The following NF2 variants were observed in gnomAD, a reference collection of about 807,000 sequenced individuals.
The protein encoded by NF2 is NF2, moesin-ezrin-radixin like (MERLIN) tumor suppressor.
In NF2, 8 loss-of-function variants were observed where a neutral mutation model predicts 83.7. That is an observed-to-expected ratio of 0.10 (90% confidence interval 0.06 to 0.17). The LOEUF is 0.17. Among genes scored for constraint, NF2 ranks in the 10% least tolerant of loss-of-function variants. The pLI, the probability that NF2 is intolerant of heterozygous loss-of-function variation, is 1.00. For missense variants in NF2, 533 were observed against 744.4 expected, an observed-to-expected ratio of 0.72 and a Z score of 3.31; for synonymous variants, 266 against 269.6, an observed-to-expected ratio of 0.99 and a Z score of 0.13.
chr22:29,608,842 A>T lies in NF2; in HGVS notation c.114+4730A>T, dbSNP rs2054408759. The T allele has an allele frequency of 1.5e-5, 6 of 398,518 alleles. No homozygotes were observed. In the South Asian group the frequency reaches 2.1e-4, roughly 14 times the overall value. 24.7% of individuals were successfully genotyped at this position (398,518 alleles called of 1,614,324 possible). A position where few individuals can be genotyped will look rare whatever the true frequency, so the allele number is the denominator to read the frequency against. On this transcript the variant is annotated intron_variant, in intron 1 of 15. Coordinates refer to ENST00000338641, the MANE Select transcript of NF2 (RefSeq NM_000268.4). ...CTGAATAGACCTATAACAAGTAAAGATATTAAATTAGTAATTGAGGGGACT... is the reference window on the plus strand; with the variant it reads ...CTGAATAGACCTATAACAAGTAAAGTTATTAAATTAGTAATTGAGGGGACT...
chr22:29,695,081 C>T lies in NF2; in HGVS notation c.*279C>T. The T allele has an allele frequency of 1.8e-6, 1 of 552,486 alleles. No individual in the cohort carries two copies. Among genetic ancestry groups the T allele is most frequent in the Non-Finnish European group, 3.3e-6 (1 of 306,730 alleles). 34.2% of individuals were successfully genotyped at this position (552,486 alleles called of 1,614,324 possible). On this transcript the variant is annotated 3_prime_UTR_variant, in exon 16 of 16. Transcript: ENST00000338641. This position sits in a 1 kb window ranked among gnomAD's most constrained non-coding sequence, Gnocchi z 5.4. ...TTTGTCTAATGTGGGATTCCTGACTCCCTTCGTCCAAGGCACCGGTGTGTG... is the reference window on the plus strand; with the variant it reads ...TTTGTCTAATGTGGGATTCCTGACTTCCTTCGTCCAAGGCACCGGTGTGTG...
intron 13 of NF2, among the ~76,000 whole-genome samples, chr22:29,677,095 A>G (rs1023297672): frequency 1.9e-4 from 27 of 138,498 alleles, no homozygotes; most frequent in African/African-American, 6.5e-4. Flanking sequence ...CCTAGACTCA[A>G]TACGGGATCC....
chr22:29,644,402 T>C (rs2065918327), intron 4 of NF2, among the ~76,000 whole-genome samples: 1 of 143,570 alleles, frequency 7.0e-6, no homozygotes, highest in African/African-American at 2.7e-5. Context: ...CCAGATGGGA[T>C]GGCGGCTGGG....
intron 9 of NF2, 104 bp downstream of exon 9, chr22:29,665,168 T>C: frequency 1.1e-6 from 1 of 893,056 alleles, no homozygotes; most frequent in Middle Eastern, 2.8e-4. Context: ...AAGTATAGAA[T>C]GGTATCTCAC....
At chr22:29,639,292 C>T (rs1218154144) in intron 3 of NF2, 80 bp downstream of exon 3, 8 of 1,564,796 alleles carry the variant, frequency 5.1e-6, no homozygotes, top group Non-Finnish European at 7.0e-6. Context: ...GAGTTGACCA[C>T]AAACACCTTT....
rs1201647322 is a variant in NF2, at chr22:29,655,498, A to G, written c.517-96A>G. The stretch of plus-strand genomic sequence containing the variant: ...GGTGTAGCTTTTTAAAAATAGCTTT[A>G]CTGTTTTGTAAAAATGATGCATAAT... On this transcript the variant is annotated intron_variant, in intron 5 of 15. Coordinates refer to ENST00000338641, the MANE Select transcript of NF2 (RefSeq NM_000268.4). 4.4e-6 allele frequency: 4 copies of G among 903,392 alleles called. No homozygotes were observed. In the African/African-American group the frequency reaches 4.9e-5, roughly 11 times the overall value. 56.0% of individuals were successfully genotyped at this position (903,392 alleles called of 1,614,324 possible).
intron 14 of NF2, among the ~76,000 whole-genome samples, chr22:29,680,334 A>G (rs1490820619): frequency 6.6e-6 from 1 of 151,958 alleles, no homozygotes; most frequent in African/African-American, 2.4e-5. Flanking sequence ...CTGGTCTCGA[A>G]CTCCTGACCT....
At chr22:29,685,786 TA>T (rs2067255208) in intron 15 of NF2, among the ~76,000 whole-genome samples, 1 of 152,128 alleles carries the variant, frequency 6.6e-6, no homozygotes. Flanking sequence ...GTTTCAGCAG[TA>T]CCCATGGGGG....
At chr22:29,640,705 C>A (rs1282744988) in intron 3 of NF2, among the ~76,000 whole-genome samples, 1 of 151,988 alleles carries the variant, frequency 6.6e-6, no homozygotes, top group African/African-American at 2.4e-5. Flanking sequence ...ATATTGTGGT[C>A]AGCAAATATT....
chr22:29,677,852 G>C (rs544291640), intron 13 of NF2, among the ~76,000 whole-genome samples: 1 of 152,218 alleles, frequency 6.6e-6, no homozygotes, highest in South Asian at 2.1e-4. Context: ...CAAAGCCAAG[G>C]ATGCTGTCTT....
chr22:29,683,450 CTGG>C, intron 15 of NF2: 13 of 1,240,442 alleles, frequency 1.0e-5, no homozygotes, highest in Non-Finnish European at 1.2e-5. Flanking sequence ...ACTTTGGAGA[CTGG>C]TGTGTTTAAC....
rs1488114282 is a variant in NF2 at position 29,636,450 on chromosome 22, T to A, written c.115-301T>A. 6.6e-6 allele frequency among the ~76,000 whole-genome samples: 1 copy of A among 152,176 alleles called. No individual in the cohort carries two copies. The highest frequency in any genetic ancestry group is 1.5e-5 in the Non-Finnish European group (1 of 68,018). On this transcript the variant is annotated intron_variant, in intron 1 of 15. Coordinates refer to ENST00000338641, the MANE Select transcript of NF2 (RefSeq NM_000268.4). The surrounding 1 kb of genome is among the most constrained non-coding windows in gnomAD (Gnocchi z 4.4). ...ACTTAAGAGGCTAGACTCTCCTAAA[T>A]GAGGATGCTTATTTACCAGCTTTCC...
At position 29,673,270 on chromosome 22, in the gene NF2, T is replaced by C. The variant is rs1556000763; in HGVS notation, c.1124T>C (p.Met375Thr). The C allele has an allele frequency of 1.3e-6, 2 of 1,567,214 alleles. No homozygotes were observed. Among genetic ancestry groups the C allele is most frequent in the Non-Finnish European group, 1.7e-6 (2 of 1,155,402 alleles). The change falls in exon 12 of 16, where the codon ATG (methionine) becomes ACG (threonine). Residue 375 changes from methionine (M) to threonine (T), a missense_variant and splice_region_variant. This residue lies in a region of NF2 where 326 missense variants were observed against 475.1 expected (regional missense o/e 0.69). Coordinates refer to ENST00000338641, the MANE Select transcript of NF2 (RefSeq NM_000268.4). ...EEATMANEALMRSEETADLLA... is the reference protein window; with the variant it reads ...EEATMANEALTRSEETADLLA... ...AGCTAAGAGCACTGTGCCCTCCAGATGCGGTCTGAGGAGACAGCTGACCTG... is the reference window on the plus strand; with the variant it reads ...AGCTAAGAGCACTGTGCCCTCCAGACGCGGTCTGAGGAGACAGCTGACCTG...
At position 29,646,542 on chromosome 22, in the gene NF2, A is replaced by AT. The variant is rs1050656945; in HGVS notation, c.447+4257_447+4258insT. Among the ~76,000 whole-genome samples the AT allele has an allele frequency of 2.1e-4, 32 of 152,346 alleles. 1 individual carries two copies. The highest frequency in any genetic ancestry group is 7.2e-4 in the African/African-American group (30 of 41,582). ...TTTCTGAAACAGAAAGGAACTTTAG[A>AT]AGTGTGGAAGGGAAAGCGAATTGAG... On this transcript the variant is annotated intron_variant, in intron 4 of 15. Transcript: ENST00000338641.
chr22:29,676,900 C>T (rs956592712), intron 13 of NF2, among the ~76,000 whole-genome samples: 3 of 152,190 alleles, frequency 2.0e-5, no homozygotes, highest in Non-Finnish European at 4.4e-5. Context: ...GCCCAAATTA[C>T]AACTGTACAG....
chr22:29,663,181 C>T (rs751115219), intron 8 of NF2, among the ~76,000 whole-genome samples: 4 of 152,152 alleles, frequency 2.6e-5, no homozygotes, highest in African/African-American at 7.2e-5. Flanking sequence ...TGACATAAAG[C>T]TGTATGTGTG....
chr22:29,645,703 T>C (rs760684223), intron 4 of NF2, among the ~76,000 whole-genome samples: 7 of 152,174 alleles, frequency 4.6e-5, no homozygotes, highest in Non-Finnish European at 1.0e-4. Context: ...TCTCAAAGGC[T>C]ACATTTTCTT....
rs1177143383 is a variant in NF2, at chr22:29,698,283, T to C, written c.*3481T>C. On this transcript the variant is annotated 3_prime_UTR_variant, in exon 16 of 16. Coordinates refer to ENST00000338641, the MANE Select transcript of NF2 (RefSeq NM_000268.4). ...CAGGTTTCTCTCTTTCCCTCTCTTTTTTTTGTCAAAAGCCCAGAGACTGAC... is the reference window on the plus strand; with the variant it reads ...CAGGTTTCTCTCTTTCCCTCTCTTTCTTTTGTCAAAAGCCCAGAGACTGAC... 3 of 225,996 alleles carry C rather than the reference T, an allele frequency of 1.3e-5. No individual in the cohort carries two copies. The highest frequency in any genetic ancestry group is 2.6e-5 in the Non-Finnish European group (3 of 113,550). The allele number at this position is 225,996 out of a possible 1,614,324, so 14.0% of individuals were successfully genotyped here.
At chr22:29,643,360 G>C (rs901434377) in intron 4 of NF2, among the ~76,000 whole-genome samples, 1 of 151,594 alleles carries the variant, frequency 6.6e-6, no homozygotes, top group Non-Finnish European at 1.5e-5. Flanking sequence ...CAGGGTCATA[G>C]GACAATAGTG....
Sources: gnomAD v4.1 joint callset for allele counts (sites outside exome capture counted in the v4.1 genomes callset) on GRCh38, gnomAD v4.1.1 for gene constraint, gnomAD v4.1.1 regional missense constraint, Gnocchi (gnomAD v3.1) non-coding constraint, MANE v1.5 for transcripts, NCBI Gene and HGNC (gene_info 2026-07-23, HGNC 2026-07-21) for gene names.